The following SPOCK3 variants were observed in gnomAD, a reference collection of about 807,000 sequenced individuals.
SPOCK3 encodes the protein testican-3.
Under a neutral mutation model 56.6 loss-of-function variants are expected in SPOCK3, and 30 were observed. The ratio of observed to expected loss-of-function variants is 0.53; its 90% confidence interval spans 0.40 to 0.72. The LOEUF is 0.72. SPOCK3 is among the 30% of genes least tolerant of loss of function. The probability of loss-of-function intolerance (pLI) is 0.00; values close to 1 mark genes in which losing one functional copy is unlikely to be tolerated. For synonymous variants in SPOCK3, 196 were observed against 183.3 expected (o/e 1.07, Z -0.56); for missense variants, 527 against 530.0 (o/e 0.99, Z 0.06).
In SPOCK3 at chr4:166,874,520, A is replaced by G. The variant is rs189403294; in HGVS notation, c.589+14610T>C. 2.9e-4 allele frequency among the ~76,000 whole-genome samples: 44 copies of G among 152,212 alleles called. 1 individual carries two copies. The East Asian group carries it at 7.0e-3, about 24-fold the overall frequency. On this transcript the variant is annotated intron_variant, in intron 6 of 10. Transcript: ENST00000357545. ...TTTGATCTTCACAAATACTCAGTGG[A>G]TTTTACTTTACCTACATTGTAGAAG...
chr4:166,952,555 G>A (rs974753881), intron 4 of SPOCK3, among the ~76,000 whole-genome samples: 2 of 151,988 alleles, frequency 1.3e-5, no homozygotes, highest in East Asian at 1.9e-4. Context: ...GCTACAAATG[G>A]CTTTCTTCAC....
At chr4:167,172,147 CAAGAG>C (rs1561289757) in intron 2 of SPOCK3, among the ~76,000 whole-genome samples, 1 of 152,168 alleles carries the variant, frequency 6.6e-6, no homozygotes, top group Non-Finnish European at 1.5e-5. Context: ...AGACAGGCAC[CAAGAG>C]ACTGACAGAG....
chr4:166,965,743 T>G (rs1744666709), intron 4 of SPOCK3, among the ~76,000 whole-genome samples: 1 of 152,074 alleles, frequency 6.6e-6, no homozygotes, highest in Admixed American at 6.6e-5. Flanking sequence ...TACAGAGATT[T>G]CTCATATACT....
chr4:167,073,240 TATC>T (rs1756860555), intron 2 of SPOCK3, among the ~76,000 whole-genome samples: 1 of 151,830 alleles, frequency 6.6e-6, no homozygotes. Flanking sequence ...TGTTTAATTA[TATC>T]ATCAAATATA....
At chr4:167,092,178 G>C (rs1758763458) in intron 2 of SPOCK3, among the ~76,000 whole-genome samples, 1 of 152,138 alleles carries the variant, frequency 6.6e-6, no homozygotes. Flanking sequence ...CCTCACCCAG[G>C]AAGCACAAGG....
Position 167,127,894 on chromosome 4 carries a change from A to ATAAAT in SPOCK3, c.190-65362_190-65358dup, listed in dbSNP as rs572926839. Among the ~76,000 whole-genome samples the ATAAAT allele has an allele frequency of 3.3e-4, 51 of 152,362 alleles. 1 individual carries two copies. Among genetic ancestry groups the ATAAAT allele is most frequent in the African/African-American group, 1.2e-3 (48 of 41,588 alleles). ...GAAGAGGTATAACGAAATTATCAAA[A>ATAAAT]TAAATTACCATACACTTGTGACAAC... On this transcript the variant is annotated intron_variant, in intron 2 of 10. Transcript: ENST00000357545.
At chr4:167,097,189 T>C (rs975780250) in intron 2 of SPOCK3, among the ~76,000 whole-genome samples, 5 of 151,884 alleles carry the variant, frequency 3.3e-5, no homozygotes, top group African/African-American at 9.7e-5. Context: ...TAGTTGGGCT[T>C]TGGGTTAATA....
chr4:166,754,497 T>G lies in SPOCK3; in HGVS notation c.931+11A>C, dbSNP rs1736808833. 6.2e-7 allele frequency: 1 copy of G among 1,609,814 alleles called. No individual in the cohort carries two copies. Among genetic ancestry groups the G allele is most frequent in the African/African-American group, 1.3e-5 (1 of 74,848 alleles). ...TCAACTATTTGCGTCTGTAAGGGTC[T>G]CATCTTTTACCTTGCTGTCTCTGGA... On this transcript the variant is annotated intron_variant, in intron 8 of 10. Coordinates refer to ENST00000357545, the MANE Select transcript of SPOCK3 (RefSeq NM_001040159.2).
intron 5 of SPOCK3, among the ~76,000 whole-genome samples, chr4:166,898,875 T>A (rs1410447818): frequency 6.6e-6 from 1 of 152,188 alleles, no homozygotes; most frequent in African/African-American, 2.4e-5. Context: ...GGCATGACTA[T>A]GAGGATGTTT....
At chr4:166,842,514 C>T (rs1022427003) in intron 6 of SPOCK3, among the ~76,000 whole-genome samples, 3 of 152,124 alleles carry the variant, frequency 2.0e-5, no homozygotes, top group African/African-American at 4.8e-5. Context: ...CATTTACAAA[C>T]CTTGAGCTAG....
chr4:167,228,187 CCT>C (rs1736790016), intron 2 of SPOCK3, among the ~76,000 whole-genome samples: 1 of 152,064 alleles, frequency 6.6e-6, no homozygotes. Context: ...TATATAATTG[CCT>C]CTGTTTTCAG....
chr4:167,174,609 T>C (rs1203095617), intron 2 of SPOCK3, among the ~76,000 whole-genome samples: 5 of 152,002 alleles, frequency 3.3e-5, no homozygotes, highest in Non-Finnish European at 5.9e-5. Flanking sequence ...AATCAAGAGA[T>C]GAGCCTAGAG....
chr4:167,016,692 C>T (rs1014937605), intron 3 of SPOCK3, among the ~76,000 whole-genome samples: 1 of 151,968 alleles, frequency 6.6e-6, no homozygotes, highest in African/African-American at 2.4e-5. Context: ...AGGCGTCTAC[C>T]ACCACACCAG....
At chr4:166,742,435 G>C (rs1293847414) in intron 8 of SPOCK3, among the ~76,000 whole-genome samples, 1 of 151,984 alleles carries the variant, frequency 6.6e-6, no homozygotes, top group Non-Finnish European at 1.5e-5. Flanking sequence ...CTTTTAAAAG[G>C]TCAATCAAGT....
chr4:167,214,480 T>C (rs1343863269), intron 2 of SPOCK3, among the ~76,000 whole-genome samples: 1 of 152,124 alleles, frequency 6.6e-6, no homozygotes, highest in East Asian at 1.9e-4. Context: ...ATTTTTAAAA[T>C]TCATGACTAC....
chr4:167,177,784 A>G (rs10029237), intron 2 of SPOCK3, among the ~76,000 whole-genome samples: 42,489 of 151,964 alleles, frequency 0.28, 6,801 homozygotes, highest in African/African-American at 0.45. Context: ...TTATCTTTAC[A>G]CAGGTCCAGA....
chr4:167,029,861 T>G (rs1412738069), intron 3 of SPOCK3, among the ~76,000 whole-genome samples: 3 of 152,084 alleles, frequency 2.0e-5, no homozygotes, highest in Non-Finnish European at 4.4e-5. Flanking sequence ...CCATTTTCAC[T>G]TAATATTAAC....
intron 2 of SPOCK3, among the ~76,000 whole-genome samples, chr4:167,096,300 G>C (rs1332918946): frequency 6.6e-6 from 1 of 151,878 alleles, no homozygotes; most frequent in Non-Finnish European, 1.5e-5. Flanking sequence ...GGATTAGTCA[G>C]AGAATAGAAT....
rs770968281 is a variant in SPOCK3, at chr4:166,899,284, ATCT to A, written c.475-10043_475-10041del. Among the ~76,000 whole-genome samples, 362 of 143,262 alleles carry A rather than the reference ATCT, an allele frequency of 2.5e-3. 2 individuals carry two copies. Among genetic ancestry groups the A allele is most frequent in the East Asian group, 0.024 (111 of 4,686 alleles). The allele number at this position is 143,262 out of a possible 152,430, so 94.0% of individuals were successfully genotyped here. ...TATCTATCTATCTATCTATCTATCT[ATCT>A]ATCTATCTATCTATGTACCCTATGG... On this transcript the variant is annotated intron_variant, in intron 5 of 10. Transcript: ENST00000357545.
Sources: gnomAD v4.1 joint callset for allele counts (sites outside exome capture counted in the v4.1 genomes callset) on GRCh38, gnomAD v4.1.1 for gene constraint, MANE v1.5 for transcripts, NCBI Gene and HGNC (gene_info 2026-07-23, HGNC 2026-07-21) for gene names.